UBTD1: variants seen among roughly 807,000 people sequenced by gnomAD.
UBTD1 encodes ubiquitin domain-containing protein 1.
UBTD1 carries 19 observed loss-of-function variants against 21.7 expected under a neutral mutation model. The ratio of observed to expected loss-of-function variants is 0.87; its 90% CI spans 0.61 to 1.28. The LOEUF is 1.28. UBTD1 is among the 50% of genes most tolerant of loss of function. The pLI is 0.00. For missense variants in UBTD1, 282 were observed against 315.1 expected, an observed-to-expected ratio of 0.89 and a Z score of 0.80; for synonymous variants, 116 against 135.1, an observed-to-expected ratio of 0.86 and a Z score of 0.98.
At position 97,499,199 on chromosome 10, in the gene UBTD1, C is replaced by T. The variant is rs1184999896; in HGVS notation, c.-5C>T. The T allele has an allele frequency of 1.4e-5, 21 of 1,543,638 alleles. No homozygotes were observed. Among genetic ancestry groups the T allele is most frequent in the Non-Finnish European group, 1.8e-5 (21 of 1,144,240 alleles). The stretch of plus-strand genomic sequence containing the variant: ...CGGTGCATGGGGACTGGCTGAGGAG[C>T]CAGCATGGGCAACTGCGTGGGGAGA... On this transcript the variant is annotated 5_prime_UTR_variant, in exon 1 of 3. Transcript: ENST00000370664.
chr10:97,516,945 T>G (rs1275404725), intron 1 of UBTD1, among the ~76,000 whole-genome samples: 1 of 151,894 alleles, frequency 6.6e-6, no homozygotes, highest in East Asian at 1.9e-4. Flanking sequence ...GGATGCTGAC[T>G]GCGGGGCAGG....
chr10:97,560,231 C>T lies in UBTD1; in HGVS notation c.71-7683C>T, dbSNP rs187233001. Among the ~76,000 whole-genome samples, 8 of 152,052 alleles carry T rather than the reference C, an allele frequency of 5.3e-5. No homozygotes were observed. In the East Asian group the frequency reaches 1.5e-3, roughly 29 times the overall value. On this transcript the variant is annotated intron_variant, in intron 1 of 2. Coordinates refer to ENST00000370664, the MANE Select transcript of UBTD1 (RefSeq NM_024954.5). ...TGCCTCACCCTTTTTTTGAAGATAA[C>T]CATTCCTTTTTTTAAAGCAAACTTT...
At chr10:97,569,419 A>AG (rs1422539853) in intron 2 of UBTD1, among the ~76,000 whole-genome samples, 1 of 152,216 alleles carries the variant, frequency 6.6e-6, no homozygotes, top group African/African-American at 2.4e-5. Flanking sequence ...GCACATGTGA[A>AG]GAAGTGAAAA....
At chr10:97,511,541 G>A (rs1293894637) in intron 1 of UBTD1, among the ~76,000 whole-genome samples, 1 of 152,188 alleles carries the variant, frequency 6.6e-6, no homozygotes, top group Non-Finnish European at 1.5e-5. Flanking sequence ...GCCAGAAAGT[G>A]CACTTTGTGA....
chr10:97,561,885 C>G (rs1487298516), intron 1 of UBTD1, among the ~76,000 whole-genome samples: 1 of 152,200 alleles, frequency 6.6e-6, no homozygotes, highest in Non-Finnish European at 1.5e-5. Context: ...CGAGCAAGTT[C>G]CTGTACACAC....
intron 1 of UBTD1, among the ~76,000 whole-genome samples, chr10:97,555,701 G>C (rs2040660630): frequency 6.6e-6 from 1 of 152,156 alleles, no homozygotes; most frequent in Admixed American, 6.5e-5. Context: ...GAGAGAAACA[G>C]AACAGGGCAG....
intron 1 of UBTD1, among the ~76,000 whole-genome samples, chr10:97,506,491 T>C (rs954288835): frequency 2.0e-5 from 3 of 152,240 alleles, no homozygotes; most frequent in Non-Finnish European, 4.4e-5. Context: ...TTTTAAGTGG[T>C]TACCTAGATA....
chr10:97,540,004 C>G (rs1314255900), intron 1 of UBTD1, among the ~76,000 whole-genome samples: 2 of 152,178 alleles, frequency 1.3e-5, no homozygotes, highest in Non-Finnish European at 2.9e-5. Flanking sequence ...CCATTTCCGC[C>G]CCCTCTCCTG....
At chr10:97,541,392 T>G (rs1339039687) in intron 1 of UBTD1, among the ~76,000 whole-genome samples, 1 of 152,018 alleles carries the variant, frequency 6.6e-6, no homozygotes, top group Non-Finnish European at 1.5e-5. Context: ...ACGGGAGGAT[T>G]GCTTGAGCGC....
Position 97,557,844 on chromosome 10 carries a change from T to C in UBTD1, c.71-10070T>C, listed in dbSNP as rs201974562. ...GAATAGCATTATACAAACAAGTTTC[T>C]TTTAGAGTCCTGGTACACTTATAAT... On this transcript the variant is annotated intron_variant, in intron 1 of 2. Coordinates refer to ENST00000370664, the MANE Select transcript of UBTD1 (RefSeq NM_024954.5). 2.6e-5 allele frequency among the ~76,000 whole-genome samples: 4 copies of C among 152,214 alleles called. No homozygotes were observed. In the East Asian group the frequency reaches 7.7e-4, roughly 29 times the overall value.
chr10:97,538,561 T>G (rs955131548), intron 1 of UBTD1, among the ~76,000 whole-genome samples: 1 of 152,334 alleles, frequency 6.6e-6, no homozygotes, highest in Admixed American at 6.5e-5. Context: ...GACAGTGATA[T>G]GAGCTCGTCT....
chr10:97,502,618 C>T (rs2040380899), intron 1 of UBTD1, among the ~76,000 whole-genome samples: 1 of 152,140 alleles, frequency 6.6e-6, no homozygotes, highest in African/African-American at 2.4e-5. Flanking sequence ...GTTTTATCAT[C>T]TTCACAAAGG....
chr10:97,514,714 T>C (rs1045555058), intron 1 of UBTD1, among the ~76,000 whole-genome samples: 2 of 152,212 alleles, frequency 1.3e-5, no homozygotes, highest in Non-Finnish European at 2.9e-5. Context: ...GTTCCTCATC[T>C]GAGTGATGAA....
intron 1 of UBTD1, among the ~76,000 whole-genome samples, chr10:97,544,171 T>C (rs1339791572): frequency 6.6e-6 from 1 of 151,992 alleles, no homozygotes; most frequent in Non-Finnish European, 1.5e-5. Context: ...CCAGCACCTG[T>C]AATCCCAGCT....
At chr10:97,530,690 G>A (rs1259079584) in intron 1 of UBTD1, among the ~76,000 whole-genome samples, 1 of 152,020 alleles carries the variant, frequency 6.6e-6, no homozygotes, top group Non-Finnish European at 1.5e-5. Context: ...ATAAAAACAG[G>A]ATCGTGGACA....
chr10:97,570,755 G>T lies in UBTD1; in HGVS notation c.*232G>T. On this transcript the variant is annotated 3_prime_UTR_variant, in exon 3 of 3. Coordinates refer to ENST00000370664, the MANE Select transcript of UBTD1 (RefSeq NM_024954.5). This position sits in a 1 kb window ranked among gnomAD's most constrained non-coding sequence, Gnocchi z 6.6. The stretch of plus-strand genomic sequence containing the variant: ...CCTTGTCAGAGAAAAGGCGAACAGG[G>T]CCCTCACCCTGCCTGTCTCCCGAAG... 1.9e-6 allele frequency: 1 copy of T among 536,144 alleles called. No individual in the cohort carries two copies. The highest frequency in any genetic ancestry group is 3.0e-5 in the East Asian group (1 of 33,896). The allele number at this position is 536,144 out of a possible 1,614,324, so 33.2% of individuals were successfully genotyped here.
At chr10:97,523,243 C>T (rs1470264019) in intron 1 of UBTD1, among the ~76,000 whole-genome samples, 1 of 152,178 alleles carries the variant, frequency 6.6e-6, no homozygotes, top group East Asian at 1.9e-4. Context: ...ATTTTATAGA[C>T]AGTGTCTTCA....
intron 1 of UBTD1, among the ~76,000 whole-genome samples, chr10:97,566,564 T>C (rs932362277): frequency 2.6e-5 from 4 of 152,358 alleles, no homozygotes; most frequent in East Asian, 3.9e-4. Context: ...TCTAAATCTG[T>C]CATATCACCT....
intron 1 of UBTD1, among the ~76,000 whole-genome samples, chr10:97,547,061 T>C (rs1199949945): frequency 6.6e-6 from 1 of 152,236 alleles, no homozygotes; most frequent in African/African-American, 2.4e-5. Context: ...GCTTCAGGAC[T>C]CTGCCATACT....
Sources: gnomAD v4.1 joint callset for allele counts (sites outside exome capture counted in the v4.1 genomes callset) on GRCh38, gnomAD v4.1.1 for gene constraint, Gnocchi (gnomAD v3.1) non-coding constraint, MANE v1.5 for transcripts, NCBI Gene and HGNC (gene_info 2026-07-23, HGNC 2026-07-21) for gene names.